The following NALCN variants were observed in gnomAD, a reference collection of about 807,000 sequenced individuals.
NALCN encodes the protein sodium leak channel NALCN.
In NALCN, 111 loss-of-function variants were observed where a neutral mutation model predicts 225.3. The ratio of observed to expected loss-of-function variants is 0.49; its 90% CI spans 0.42 to 0.58. NALCN has a LOEUF of 0.58. Among genes scored for constraint, NALCN ranks in the 20% least tolerant of loss-of-function variants. NALCN has a pLI of 0.00. For missense variants in NALCN, 1,378 were observed against 2,202.4 expected, an observed-to-expected ratio of 0.63 and a Z score of 7.49; for synonymous variants, 764 against 769.0, an observed-to-expected ratio of 0.99 and a Z score of 0.11.
chr13:101,147,297 C>T lies in NALCN; in HGVS notation c.1840-2401G>A, dbSNP rs569416597. ...ATTCTGCGGTTATTGCCATTTCTCA[C>T]GCTCTGTCTTAAAACTTTTCAATGG... On this transcript the variant is annotated intron_variant, in intron 15 of 43. Transcript: ENST00000251127. 6.6e-5 allele frequency among the ~76,000 whole-genome samples: 10 copies of T among 152,018 alleles called. No individual in the cohort carries two copies. The East Asian group carries it at 1.7e-3, about 27-fold the overall frequency.
chr13:101,160,055 A>C (rs1278027860), intron 15 of NALCN, among the ~76,000 whole-genome samples: 1 of 152,040 alleles, frequency 6.6e-6, no homozygotes, highest in African/African-American at 2.4e-5. Flanking sequence ...CCTGGGTTCA[A>C]GCGATTCTAC....
chr13:101,088,310 T>C (rs1054060703), intron 30 of NALCN, among the ~76,000 whole-genome samples: 2 of 152,156 alleles, frequency 1.3e-5, no homozygotes, highest in African/African-American at 4.8e-5. Flanking sequence ...GAATGACAGA[T>C]ACAGTCCCAT....
rs752961105 is a variant in NALCN at position 101,104,876 on chromosome 13, G to T, written c.2636+18C>A. On this transcript the variant is annotated intron_variant, in intron 23 of 43. Transcript: ENST00000251127. This position sits in a 1 kb window ranked among gnomAD's most constrained non-coding sequence, Gnocchi z 4.2. ...AAAACTTTAAATGTGCATGGAAAAT[G>T]AAGTTGGTGATGCTTACTAAAGTTG... 1.2e-6 allele frequency: 2 copies of T among 1,613,166 alleles called. No homozygotes were observed. Among genetic ancestry groups the T allele is most frequent in the Non-Finnish European group, 1.7e-6 (2 of 1,179,316 alleles).
At chr13:101,381,681 C>T (rs77899667) in intron 3 of NALCN, among the ~76,000 whole-genome samples, 31,500 of 151,768 alleles carry the variant, frequency 0.21, 3,833 homozygotes, top group Non-Finnish European at 0.28. Flanking sequence ...ACTAGGGATA[C>T]GAGGGTGAAC....
intron 13 of NALCN, among the ~76,000 whole-genome samples, chr13:101,193,943 G>A (rs945849139): frequency 2.6e-5 from 4 of 152,174 alleles, no homozygotes; most frequent in African/African-American, 9.7e-5. Flanking sequence ...TAGGTGAAGA[G>A]TCAAAATGCC....
At chr13:101,384,698 T>G (rs1271183314) in intron 3 of NALCN, among the ~76,000 whole-genome samples, 1 of 152,184 alleles carries the variant, frequency 6.6e-6, no homozygotes, top group Non-Finnish European at 1.5e-5. Context: ...ATGCATGAAG[T>G]GCTCTGCAAC....
In NALCN at chr13:101,213,546, C is replaced by T. The variant is rs190852077; in HGVS notation, c.1626+15847G>A. Among the ~76,000 whole-genome samples the T allele has an allele frequency of 6.2e-3, 951 of 152,256 alleles. 6 individuals carry two copies. Among genetic ancestry groups the T allele is most frequent in the Middle Eastern group, 0.017 (5 of 294 alleles). On this transcript the variant is annotated intron_variant, in intron 13 of 43. Coordinates refer to ENST00000251127, the MANE Select transcript of NALCN (RefSeq NM_052867.4). The stretch of plus-strand genomic sequence containing the variant: ...TGAGAGAAAATTTTTACAATCTACC[C>T]ATCTGACAAAGGGCTAATATCCAGA...
intron 7 of NALCN, among the ~76,000 whole-genome samples, chr13:101,326,647 C>A (rs1045928639): frequency 5.9e-5 from 9 of 152,152 alleles, no homozygotes; most frequent in African/African-American, 2.2e-4. Context: ...AATGTCATGA[C>A]CCCCCTTCTT....
intron 34 of NALCN, among the ~76,000 whole-genome samples, chr13:101,078,885 G>A (rs1443190653): frequency 6.6e-6 from 1 of 152,188 alleles, no homozygotes; most frequent in African/African-American, 2.4e-5. Flanking sequence ...TCCACATGTT[G>A]TGGGAGGGAC....
chr13:101,221,153 ATTT>A (rs57875788), intron 13 of NALCN, among the ~76,000 whole-genome samples: 1 of 149,120 alleles, frequency 6.7e-6, no homozygotes, highest in African/African-American at 2.5e-5. Flanking sequence ...GTCCTTTTGA[ATTT>A]TTTTTTTTTC....
intron 2 of NALCN, among the ~76,000 whole-genome samples, chr13:101,398,285 A>T (rs1455896403): frequency 6.6e-6 from 1 of 152,182 alleles, no homozygotes; most frequent in Non-Finnish European, 1.5e-5. Flanking sequence ...GACAGCAAAG[A>T]GTCCAAGCAG....
intron 15 of NALCN, among the ~76,000 whole-genome samples, chr13:101,171,905 A>C (rs2139917996): frequency 6.6e-6 from 1 of 152,372 alleles, no homozygotes; most frequent in East Asian, 1.9e-4. Context: ...AGGAAACTAT[A>C]TATGAAAACA....
At chr13:101,343,208 T>C (rs748636538) in intron 7 of NALCN, among the ~76,000 whole-genome samples, 3 of 152,154 alleles carry the variant, frequency 2.0e-5, no homozygotes, top group Non-Finnish European at 4.4e-5. Context: ...ATACATAATA[T>C]CAGGAAGCAG....
intron 3 of NALCN, among the ~76,000 whole-genome samples, chr13:101,391,984 C>A (rs2047159788): frequency 2.1e-5 from 3 of 143,454 alleles, no homozygotes; most frequent in Middle Eastern, 3.5e-3. Flanking sequence ...GACTCCATCT[C>A]GAAAAAACAA....
intron 10 of NALCN, among the ~76,000 whole-genome samples, chr13:101,259,972 T>C (rs2042370682): frequency 7.8e-6 from 1 of 128,554 alleles, no homozygotes; most frequent in Non-Finnish European, 1.8e-5. Context: ...GTCTTATCTA[T>C]TCTTTCTATT....
chr13:101,231,413 A>G (rs1389830532), intron 12 of NALCN, among the ~76,000 whole-genome samples: 1 of 152,244 alleles, frequency 6.6e-6, no homozygotes, highest in Admixed American at 6.5e-5. Context: ...GCTTTTAAGG[A>G]CATATTTATA....
intron 6 of NALCN, among the ~76,000 whole-genome samples, chr13:101,374,362 G>A (rs1016166560): frequency 3.5e-5 from 5 of 144,760 alleles, no homozygotes; most frequent in Admixed American, 1.5e-4. Flanking sequence ...TGCAACCTCC[G>A]CCTTCTGGAT....
intron 18 of NALCN, among the ~76,000 whole-genome samples, chr13:101,120,718 C>T (rs1161488560): frequency 1.3e-5 from 2 of 152,104 alleles, no homozygotes; most frequent in Admixed American, 6.6e-5. Flanking sequence ...AGGGCAAACT[C>T]GCTGTAAAGA....
chr13:101,344,634 G>A (rs2045659244), intron 7 of NALCN, among the ~76,000 whole-genome samples: 1 of 152,098 alleles, frequency 6.6e-6, no homozygotes, highest in African/African-American at 2.4e-5. Flanking sequence ...AAAATACAAT[G>A]ATATCAACTA....
Sources: gnomAD v4.1 joint callset for allele counts (sites outside exome capture counted in the v4.1 genomes callset) on GRCh38, gnomAD v4.1.1 for gene constraint, Gnocchi (gnomAD v3.1) non-coding constraint, MANE v1.5 for transcripts, NCBI Gene and HGNC (gene_info 2026-07-23, HGNC 2026-07-21) for gene names.